CHD9: variants seen among roughly 807,000 people sequenced by gnomAD.
The protein encoded by CHD9 is chromodomain helicase DNA binding protein 9, also known as ATP-dependent chromatin remodeler CHD9.
CHD9 carries 77 observed loss-of-function variants against 316.1 expected under a neutral mutation model. The ratio of observed to expected loss-of-function variants is 0.24; its 90% CI spans 0.20 to 0.29. The LOEUF is 0.29. Among genes scored for constraint, CHD9 ranks in the 10% least tolerant of loss-of-function variants. The probability of loss-of-function intolerance (pLI) is 1.00; values close to 1 mark genes in which losing one functional copy is unlikely to be tolerated. For synonymous variants in CHD9, 1,129 were observed against 1,158.3 expected, an observed-to-expected ratio of 0.97 and a Z score of 0.51; for missense variants, 2,763 against 3,438.1, an observed-to-expected ratio of 0.80 and a Z score of 4.91.
At chr16:53,235,995 C>G (rs773137232) in intron 11 of CHD9, among the ~76,000 whole-genome samples, 3 of 152,012 alleles carry the variant, frequency 2.0e-5, no homozygotes, top group Non-Finnish European at 4.4e-5. Flanking sequence ...ATCATTTTTA[C>G]TTTTCACGTG....
chr16:53,057,531 G>A (rs2032310130), intron 1 of CHD9, among the ~76,000 whole-genome samples: 1 of 151,936 alleles, frequency 6.6e-6, no homozygotes, highest in Non-Finnish European at 1.5e-5. Context: ...GCAAGAGCCC[G>A]TAATCCCAGC....
chr16:53,083,608 T>G (rs1361092979), intron 1 of CHD9, among the ~76,000 whole-genome samples: 1 of 152,122 alleles, frequency 6.6e-6, no homozygotes, highest in Non-Finnish European at 1.5e-5. Flanking sequence ...CTCTTTGGAG[T>G]CCTGCCAAAG....
At chr16:53,311,417 G>A (rs1228969484) in intron 34 of CHD9, 2 of 152,122 alleles carry the variant, frequency 1.3e-5, no homozygotes, top group Non-Finnish European at 2.9e-5. Context: ...GGCATTGTTA[G>A]ATGGGTTAAA....
chr16:53,106,754 T>C (rs978150995), intron 1 of CHD9, among the ~76,000 whole-genome samples: 1 of 152,102 alleles, frequency 6.6e-6, no homozygotes, highest in Non-Finnish European at 1.5e-5. Flanking sequence ...ACCCTACATC[T>C]ATTCTAGATT....
intron 32 of CHD9, among the ~76,000 whole-genome samples, chr16:53,306,742 T>C (rs189146616): frequency 6.6e-6 from 1 of 152,292 alleles, no homozygotes; most frequent in East Asian, 1.9e-4. Flanking sequence ...TTCATTTAAA[T>C]ACATGTACAT....
chr16:53,302,840 A>T (rs12149749), intron 30 of CHD9, among the ~76,000 whole-genome samples: 1 of 151,988 alleles, frequency 6.6e-6, no homozygotes, highest in Non-Finnish European at 1.5e-5. Context: ...CAGCAAGCCC[A>T]TGTTTCTTGA....
At position 53,306,536 on chromosome 16, in the gene CHD9, A is replaced by G. The variant is rs61355582; in HGVS notation, c.6780+139A>G. On this transcript the variant is annotated intron_variant, in intron 32 of 38. Transcript: ENST00000447540. The stretch of plus-strand genomic sequence containing the variant: ...ACATTTTGGTGTTAGCTCCAAAAGT[A>G]TAAATTACTGCTATCAAGTAAATAG... 16,477 of 564,210 alleles carry G rather than the reference A, an allele frequency of 0.029. 306 individuals are homozygous for G. The highest frequency in any genetic ancestry group is 0.062 in the South Asian group (1,819 of 29,384). The allele number at this position is 564,210 out of a possible 1,614,324, so 35.0% of individuals were successfully genotyped here. A position where few individuals can be genotyped will look rare whatever the true frequency, so the allele number is the denominator to read the frequency against.
intron 1 of CHD9, among the ~76,000 whole-genome samples, chr16:53,084,145 G>A (rs958524366): frequency 6.6e-6 from 1 of 152,016 alleles, no homozygotes; most frequent in East Asian, 1.9e-4. Context: ...TCTTGCCTTG[G>A]GCTCCCAAAC....
In CHD9 at chr16:53,324,920, T is replaced by C. The variant is rs1308964970; in HGVS notation, c.*25T>C. On this transcript the variant is annotated 3_prime_UTR_variant, in exon 39 of 39. Transcript: ENST00000447540. ...ATTCCCAGACTCTGCACTTAAAATA[T>C]GAACTGATTTTGGATTTTTTCTTTA... is the stretch of plus-strand genomic sequence containing the variant. 1.3e-6 allele frequency: 2 copies of C among 1,526,476 alleles called. No individual in the cohort carries two copies. The highest frequency in any genetic ancestry group is 1.8e-6 in the Non-Finnish European group (2 of 1,140,920). 94.6% of individuals were successfully genotyped at this position (1,526,476 alleles called of 1,614,324 possible). A position where few individuals can be genotyped will look rare whatever the true frequency, so the allele number is the denominator to read the frequency against.
At chr16:53,162,807 G>C (rs1289967427) in intron 2 of CHD9, among the ~76,000 whole-genome samples, 4 of 150,024 alleles carry the variant, frequency 2.7e-5, no homozygotes, top group East Asian at 1.9e-4. Flanking sequence ...TTTGGTGGGG[G>C]ACAGGGTCTT....
chr16:53,199,702 T>C (rs2045265062), intron 2 of CHD9, among the ~76,000 whole-genome samples: 1 of 152,218 alleles, frequency 6.6e-6, no homozygotes, highest in African/African-American at 2.4e-5. Context: ...TGAGAACATG[T>C]AGTTTCCATT....
chr16:53,226,583 T>G, intron 5 of CHD9, 71 bp downstream of exon 5: 1 of 1,513,844 alleles, frequency 6.6e-7, no homozygotes, highest in Non-Finnish European at 8.9e-7. Flanking sequence ...CTTGCATTGT[T>G]TTTCCTACTA....
chr16:53,213,193 T>C (rs2046467989), intron 3 of CHD9, among the ~76,000 whole-genome samples: 1 of 152,218 alleles, frequency 6.6e-6, no homozygotes, highest in Non-Finnish European at 1.5e-5. Context: ...TTAGCTAAAG[T>C]AGCATTTAGG....
intron 1 of CHD9, among the ~76,000 whole-genome samples, chr16:53,110,392 T>A (rs111371183): frequency 0.031 from 4,684 of 151,920 alleles, 250 homozygotes; most frequent in African/African-American, 0.11. Context: ...AGCCCAGGAG[T>A]TCAAAACCAG....
At chr16:53,163,814 T>C (rs1436958411) in intron 2 of CHD9, among the ~76,000 whole-genome samples, 2 of 152,200 alleles carry the variant, frequency 1.3e-5, no homozygotes, top group African/African-American at 4.8e-5. Flanking sequence ...AGTAGAAGCA[T>C]AGTAATAAAA....
At chr16:53,236,440 TCTTAGAGC>T (rs570632878) in intron 11 of CHD9, among the ~76,000 whole-genome samples, 110 of 152,250 alleles carry the variant, frequency 7.2e-4, no homozygotes, top group Admixed American at 3.3e-3. Flanking sequence ...CATCTAGTCT[TCTTAGAGC>T]CTTAGAGCCT....
intron 1 of CHD9, among the ~76,000 whole-genome samples, chr16:53,097,571 G>T (rs1306203327): frequency 6.6e-6 from 1 of 152,088 alleles, no homozygotes; most frequent in African/African-American, 2.4e-5. Context: ...GGTCTGTTGT[G>T]TCTATTATTG....
chr16:53,309,267 T>C (rs34136065), intron 34 of CHD9, among the ~76,000 whole-genome samples: 73,733 of 152,046 alleles, frequency 0.48, 18,618 homozygotes, highest in African/African-American at 0.6. Flanking sequence ...AAAAGGTAAT[T>C]ATTCATCCTT....
intron 24 of CHD9, among the ~76,000 whole-genome samples, chr16:53,275,593 A>G (rs2052729904): frequency 6.6e-6 from 1 of 152,138 alleles, no homozygotes; most frequent in Admixed American, 6.5e-5. Context: ...TTAATACTAC[A>G]AGTCACCTTT....
Sources: allele counts gnomAD v4.1 joint callset (sites outside exome capture counted in the v4.1 genomes callset), GRCh38; gene constraint gnomAD v4.1.1; transcripts MANE v1.5; gene names NCBI Gene and HGNC (gene_info 2026-07-23, HGNC 2026-07-21).